CAMTA1: variants seen among roughly 807,000 people sequenced by gnomAD.
CAMTA1 encodes calmodulin binding transcription activator 1.
In CAMTA1, 27 loss-of-function variants were observed where a neutral mutation model predicts 170.9. The ratio of observed to expected loss-of-function variants is 0.16; its 90% CI spans 0.12 to 0.22. CAMTA1 has a LOEUF of 0.22. CAMTA1 is among the 10% of genes least tolerant of loss of function. The probability of loss-of-function intolerance (pLI) is 1.00; values close to 1 mark genes in which losing one functional copy is unlikely to be tolerated. For missense variants in CAMTA1, 1,619 were observed against 2,217.2 expected (o/e 0.73, Z 5.42); for synonymous variants, 833 against 891.5 (o/e 0.93, Z 1.17).
chr1:7,192,292 T>G (rs1183420364), intron 4 of CAMTA1, among the ~76,000 whole-genome samples: 1 of 152,226 alleles, frequency 6.6e-6, no homozygotes, highest in Non-Finnish European at 1.5e-5. Flanking sequence ...CTCAGCTGAC[T>G]TGGTGTGCTA....
intron 9 of CAMTA1, among the ~76,000 whole-genome samples, chr1:7,667,509 GA>G (rs2096011967): frequency 1.3e-5 from 2 of 152,262 alleles, no homozygotes; most frequent in East Asian, 3.9e-4. Context: ...GGGACACTTA[GA>G]GGCGCCCTGG....
At chr1:7,729,166 G>A (rs2096714056) in intron 11 of CAMTA1, among the ~76,000 whole-genome samples, 1 of 150,746 alleles carries the variant, frequency 6.6e-6, no homozygotes, top group Non-Finnish European at 1.5e-5. Flanking sequence ...ACCCAGGCTG[G>A]AGTGCAGTGG....
At chr1:7,291,657 A>T (rs1673156761) in intron 5 of CAMTA1, among the ~76,000 whole-genome samples, 1 of 152,252 alleles carries the variant, frequency 6.6e-6, no homozygotes, top group South Asian at 2.1e-4. Flanking sequence ...CTGGGCTTTA[A>T]GCCTTCACAT....
intron 2 of CAMTA1, among the ~76,000 whole-genome samples, chr1:6,820,619 T>C (rs895377255): frequency 6.6e-6 from 1 of 152,260 alleles, no homozygotes; most frequent in Non-Finnish European, 1.5e-5. Context: ...GAATCCCAGC[T>C]GAGCCACTCA....
Position 7,673,039 on chromosome 1 carries a change from C to G in CAMTA1, c.2779+2002C>G, listed in dbSNP as rs927099865. Among the ~76,000 whole-genome samples, 1 of 152,156 alleles carries G rather than the reference C, an allele frequency of 6.6e-6. No individual in the cohort carries two copies. ...TGGGACCCCGGCCCGGCGGGAGTGG[C>G]GGGGAGGGCACTGTGGAATTAAACA... On this transcript the variant is annotated intron_variant, in intron 10 of 22. Transcript: ENST00000303635. The surrounding 1 kb of genome is among the most constrained non-coding windows in gnomAD (Gnocchi z 4.6).
At chr1:7,556,268 G>A (rs1055448567) in intron 6 of CAMTA1, among the ~76,000 whole-genome samples, 6 of 152,160 alleles carry the variant, frequency 3.9e-5, no homozygotes, top group Non-Finnish European at 7.4e-5. Context: ...AGGTTGTGGG[G>A]TATGGGCTCT....
At chr1:7,653,352 C>T (rs1416363178) in intron 7 of CAMTA1, among the ~76,000 whole-genome samples, 1 of 152,178 alleles carries the variant, frequency 6.6e-6, no homozygotes, top group Non-Finnish European at 1.5e-5. Context: ...GCCTCGACCT[C>T]CCTGGGCTCA....
chr1:7,477,683 C>T (rs893992192), intron 6 of CAMTA1, among the ~76,000 whole-genome samples: 1 of 152,200 alleles, frequency 6.6e-6, no homozygotes, highest in Non-Finnish European at 1.5e-5. Flanking sequence ...CCTTCCTTCA[C>T]CCCTCCCCGC....
At chr1:7,413,186 G>A (rs2090918459) in intron 5 of CAMTA1, among the ~76,000 whole-genome samples, 1 of 152,184 alleles carries the variant, frequency 6.6e-6, no homozygotes, top group Admixed American at 6.5e-5. Flanking sequence ...AAGTCAGGTA[G>A]TGTGATGCCT....
intron 5 of CAMTA1, among the ~76,000 whole-genome samples, chr1:7,404,299 A>T (rs949066156): frequency 6.6e-6 from 1 of 151,886 alleles, no homozygotes; most frequent in East Asian, 1.9e-4. Flanking sequence ...TGCTTTTTCT[A>T]CTCAGACCTC....
chr1:7,493,964 G>A (rs545207434), intron 6 of CAMTA1, among the ~76,000 whole-genome samples: 36 of 152,216 alleles, frequency 2.4e-4, no homozygotes, highest in African/African-American at 7.7e-4. Context: ...CAGGCCACCC[G>A]CCGGCCTCTC....
intron 3 of CAMTA1, among the ~76,000 whole-genome samples, chr1:6,906,685 C>T (rs1373375395): frequency 2.0e-5 from 3 of 152,168 alleles, no homozygotes; most frequent in African/African-American, 7.2e-5. Context: ...GAAATGTGTG[C>T]CTACCTTCCC....
intron 5 of CAMTA1, among the ~76,000 whole-genome samples, chr1:7,411,490 G>T (rs1361295799): frequency 1.5e-5 from 2 of 132,420 alleles, no homozygotes; most frequent in Non-Finnish European, 3.1e-5. Context: ...AGTGAGCCGA[G>T]ATTGCACCAC....
chr1:7,229,692 C>G (rs978516606), intron 4 of CAMTA1, among the ~76,000 whole-genome samples: 7 of 151,622 alleles, frequency 4.6e-5, no homozygotes, highest in Admixed American at 1.3e-4. Context: ...AGGGAGCGAG[C>G]CTGTGAGCCA....
chr1:7,375,043 C>T (rs1327247723), intron 5 of CAMTA1, among the ~76,000 whole-genome samples: 1 of 152,136 alleles, frequency 6.6e-6, no homozygotes, highest in Non-Finnish European at 1.5e-5. Flanking sequence ...AGCAGATAGC[C>T]ACCAGCCCAG....
intron 3 of CAMTA1, among the ~76,000 whole-genome samples, chr1:6,961,289 G>A (rs1345591817): frequency 6.6e-6 from 1 of 152,322 alleles, no homozygotes; most frequent in East Asian, 1.9e-4. Context: ...GAAGGAGCAC[G>A]CTGGAAGGAA....
rs1372241497 is a variant in CAMTA1, at chr1:7,547,995, C to CT, written c.510+80094_510+80095insT. On this transcript the variant is annotated intron_variant, in intron 6 of 22. Coordinates refer to ENST00000303635, the MANE Select transcript of CAMTA1 (RefSeq NM_015215.4). The surrounding 1 kb of genome is among the most constrained non-coding windows in gnomAD (Gnocchi z 5.7). The stretch of plus-strand genomic sequence containing the variant: ...ATTGATTAGTAATGTCTGCCATGAA[C>CT]AGAGGGACAGGAAGGGTTCCTGCCA... Among the ~76,000 whole-genome samples, 3 of 152,174 alleles carry CT rather than the reference C, an allele frequency of 2.0e-5. No homozygotes were observed. Among genetic ancestry groups the CT allele is most frequent in the Non-Finnish European group, 4.4e-5 (3 of 68,036 alleles).
chr1:7,371,915 G>C (rs1426924700), intron 5 of CAMTA1, among the ~76,000 whole-genome samples: 2 of 152,176 alleles, frequency 1.3e-5, no homozygotes, highest in Admixed American at 1.3e-4. Flanking sequence ...CTGAGATCTA[G>C]GAAGGTTCTG....
intron 3 of CAMTA1, among the ~76,000 whole-genome samples, chr1:6,838,796 A>T (rs1450784521): frequency 6.6e-6 from 1 of 152,132 alleles, no homozygotes; most frequent in Non-Finnish European, 1.5e-5. Flanking sequence ...TCTCTCTGTC[A>T]CCCAGGCTGG....
Sources: allele counts gnomAD v4.1 joint callset (sites outside exome capture counted in the v4.1 genomes callset), GRCh38; gene constraint gnomAD v4.1.1; non-coding constraint Gnocchi (gnomAD v3.1); transcripts MANE v1.5; gene names NCBI Gene and HGNC (gene_info 2026-07-23, HGNC 2026-07-21).